Variants in TENT5D observed in about 807,000 individuals in gnomAD.
TENT5D encodes terminal nucleotidyltransferase 5D, also known as cancer/testis antigen 112.
For missense variants in TENT5D, 191 were observed against 287.0 expected (o/e 0.67, Z 2.42); for synonymous variants, 103 against 100.6 (o/e 1.02, Z -0.15).
chrX:80,372,658 G>A (rs1031043287), intron 3 of TENT5D, among the ~76,000 whole-genome samples: 12 of 110,406 alleles, frequency 1.1e-4, no homozygotes, highest in African/African-American at 3.6e-4. Context: ...AGGCTGAGGC[G>A]TGCAGATCAC....
intron 3 of TENT5D, among the ~76,000 whole-genome samples, chrX:80,372,258 C>T (rs1187821875): frequency 9.0e-6 from 1 of 111,338 alleles, no homozygotes; most frequent in African/African-American, 3.3e-5. Context: ...TTCAGGAATA[C>T]CTAGAAACCT....
intron 3 of TENT5D, among the ~76,000 whole-genome samples, chrX:80,368,421 G>A (rs1257971336): frequency 9.0e-6 from 1 of 111,718 alleles, no homozygotes; most frequent in Non-Finnish European, 1.9e-5. Flanking sequence ...TTTACTGGCA[G>A]GTTGTATTTA....
chrX:80,379,361 T>A (rs897440306), intron 3 of TENT5D, among the ~76,000 whole-genome samples: 3 of 110,623 alleles, frequency 2.7e-5, no homozygotes, highest in African/African-American at 9.9e-5. Context: ...AGTATTTTAT[T>A]GAGGATTTTC....
chrX:80,430,197 T>A (rs1044896095), intron 1 of TENT5D, among the ~76,000 whole-genome samples: 3 of 111,816 alleles, frequency 2.7e-5, no homozygotes, highest in African/African-American at 9.8e-5. Context: ...AAAGCCTTTA[T>A]ATATTTATTG....
At chrX:80,398,553 GT>G (rs1181951402) in intron 3 of TENT5D, among the ~76,000 whole-genome samples, 5 of 106,301 alleles carry the variant, frequency 4.7e-5, no homozygotes, top group African/African-American at 6.8e-5. Context: ...TTACATTTAT[GT>G]TTTTTTTTTC....
intron 3 of TENT5D, among the ~76,000 whole-genome samples, chrX:80,389,594 G>A (rs1407442425): frequency 1.8e-5 from 2 of 112,046 alleles, no homozygotes; most frequent in Non-Finnish European, 3.8e-5. Flanking sequence ...GAGTAGAAGT[G>A]GCCAAAAAGA....
intron 2 of TENT5D, among the ~76,000 whole-genome samples, chrX:80,341,927 G>A (rs1475936593): frequency 9.3e-6 from 1 of 107,802 alleles, no homozygotes; most frequent in African/African-American, 3.4e-5. Flanking sequence ...TAGCCAGGAT[G>A]GTCTCGATCT....
chrX:80,410,384 A>T (rs1931626566), intron 3 of TENT5D, among the ~76,000 whole-genome samples: 2 of 81,632 alleles, frequency 2.5e-5, no homozygotes, highest in Non-Finnish European at 4.7e-5. Flanking sequence ...AATGAACTCA[A>T]ACAAATTTAC....
At chrX:80,364,469 TTAAAA>T (rs1930467333) in intron 3 of TENT5D, among the ~76,000 whole-genome samples, 1 of 110,941 alleles carries the variant, frequency 9.0e-6, no homozygotes, top group South Asian at 3.8e-4. Flanking sequence ...TTATCTCTAT[TTAAAA>T]TGAAATGATA....
intron 1 of TENT5D, among the ~76,000 whole-genome samples, chrX:80,433,686 A>G (rs1049719283): frequency 2.7e-5 from 3 of 111,864 alleles, no homozygotes; most frequent in African/African-American, 9.8e-5. Context: ...AATTGTTCCA[A>G]TGAACCTTTC....
chrX:80,342,216 C>T (rs1929974692), intron 2 of TENT5D, among the ~76,000 whole-genome samples: 1 of 111,601 alleles, frequency 9.0e-6, no homozygotes, highest in Non-Finnish European at 1.9e-5. Context: ...ATGACAGCAA[C>T]TTACTCAAAT....
chrX:80,417,172 T>C (rs1333089037), upstream of TENT5D, among the ~76,000 whole-genome samples: 1 of 111,645 alleles, frequency 9.0e-6, no homozygotes, highest in Non-Finnish European at 1.9e-5. Context: ...TTTCTTCATC[T>C]GTTTTCTTTG....
intron 1 of TENT5D, among the ~76,000 whole-genome samples, chrX:80,425,094 T>C (rs1292101413): frequency 8.9e-6 from 1 of 112,759 alleles, no homozygotes; most frequent in African/African-American, 3.2e-5. Flanking sequence ...CACATCCTTT[T>C]AGTTAAACCC....
At chrX:80,356,445 T>C (rs1317265572) in intron 3 of TENT5D, among the ~76,000 whole-genome samples, 2 of 111,722 alleles carry the variant, frequency 1.8e-5, no homozygotes, top group Non-Finnish European at 3.8e-5. Context: ...GAAAAACTGA[T>C]CAATTTTGGT....
intron 3 of TENT5D, among the ~76,000 whole-genome samples, chrX:80,358,581 A>AT (rs1569357643): frequency 8.9e-6 from 1 of 111,997 alleles, no homozygotes; most frequent in South Asian, 3.7e-4. Context: ...TTTATTTTTT[A>AT]TTTTTTTGGA....
chrX:80,407,974 A>C lies in TENT5D; in HGVS notation c.-141-30636A>C, dbSNP rs1176283366. Among the ~76,000 whole-genome samples, 366 of 111,336 alleles carry C rather than the reference A, an allele frequency of 3.3e-3. 4 individuals carry two copies. The highest frequency in any genetic ancestry group is 0.012 in the African/African-American group (355 of 30,610). On this transcript the variant is annotated intron_variant, in intron 3 of 4. Transcript: ENST00000538312. ...ACTCAAAACTGCTCAACTACATGGA[A>C]ACTGAACAACCTGCTCCTGAATGAC...
intron 3 of TENT5D, among the ~76,000 whole-genome samples, chrX:80,398,600 G>A (rs1931333259): frequency 9.1e-6 from 1 of 110,491 alleles, no homozygotes; most frequent in Admixed American, 9.6e-5. Flanking sequence ...GTAAGGAGCA[G>A]TAGCCTAGTT....
intron 3 of TENT5D, among the ~76,000 whole-genome samples, chrX:80,362,113 T>C (rs911122073): frequency 8.9e-6 from 1 of 111,791 alleles, no homozygotes; most frequent in African/African-American, 3.2e-5. Flanking sequence ...TTAATTCACT[T>C]AGGATAATGG....
intron 3 of TENT5D, among the ~76,000 whole-genome samples, chrX:80,400,037 CA>C (rs1931363149): frequency 9.0e-6 from 1 of 111,346 alleles, no homozygotes; most frequent in African/African-American, 3.3e-5. Flanking sequence ...AGGCCTTCTG[CA>C]AGCTGGAGAT....
Sources: allele counts gnomAD v4.1 joint callset (sites outside exome capture counted in the v4.1 genomes callset), GRCh38; gene constraint gnomAD v4.1.1; transcripts MANE v1.5; gene names NCBI Gene and HGNC (gene_info 2026-07-23, HGNC 2026-07-21).